The following SGCZ variants were observed in gnomAD, a reference collection of about 807,000 sequenced individuals.
SGCZ encodes sarcoglycan zeta.
In SGCZ, 40 loss-of-function variants were observed where a neutral mutation model predicts 41.3. That is an observed-to-expected ratio of 0.97 (90% CI 0.75 to 1.26). The LOEUF is 1.26. SGCZ is among the 50% of genes most tolerant of loss of function. The pLI, the probability that SGCZ is intolerant of heterozygous loss-of-function variation, is 0.00. For synonymous variants in SGCZ, 206 were observed against 137.5 expected, an observed-to-expected ratio of 1.50 and a Z score of -3.49; for missense variants, 552 against 369.8, an observed-to-expected ratio of 1.49 and a Z score of -4.04.
chr8:15,129,995 G>C (rs969035752), intron 1 of SGCZ, among the ~76,000 whole-genome samples: 1 of 152,066 alleles, frequency 6.6e-6, no homozygotes, highest in African/African-American at 2.4e-5. Flanking sequence ...CATTGGTGAT[G>C]CATCCTGTAT....
In SGCZ at chr8:14,596,164, G is replaced by A. The variant is rs139302045; in HGVS notation, c.40-41238C>T. ...AGAATATACTCTGCAGTATTTGTAG[G>A]CCTTTCATTTTGAATGAATTGATAG... is the stretch of plus-strand genomic sequence containing the variant. On this transcript the variant is annotated intron_variant, in intron 1 of 7. Transcript: ENST00000382080. Among the ~76,000 whole-genome samples, 10 of 152,246 alleles carry A rather than the reference G, an allele frequency of 6.6e-5. No homozygotes were observed. In the East Asian group the frequency reaches 1.7e-3, roughly 26 times the overall value.
At chr8:14,309,511 A>C (rs1801457515) in intron 3 of SGCZ, 1 of 1,609,078 alleles carries the variant, frequency 6.2e-7, no homozygotes, top group Non-Finnish European at 8.5e-7. Flanking sequence ...ATAAGAGAGC[A>C]GTGTGGACTA....
At chr8:14,487,140 A>C (rs372480976) in intron 2 of SGCZ, among the ~76,000 whole-genome samples, 2 of 152,292 alleles carry the variant, frequency 1.3e-5, no homozygotes, top group South Asian at 2.1e-4. Flanking sequence ...TAGGTTATCC[A>C]AACTGTCCTC....
intron 1 of SGCZ, among the ~76,000 whole-genome samples, chr8:14,682,375 C>T (rs1458369225): frequency 1.3e-5 from 2 of 151,928 alleles, no homozygotes; most frequent in Admixed American, 1.3e-4. Context: ...TTATGTACCA[C>T]TTTGTATAAG....
At chr8:15,085,112 G>C (rs1303634255) in intron 1 of SGCZ, among the ~76,000 whole-genome samples, 2 of 152,134 alleles carry the variant, frequency 1.3e-5, no homozygotes, top group African/African-American at 4.8e-5. Flanking sequence ...TGAAGAAAAT[G>C]AGGCCTCAGA....
At chr8:14,831,735 T>A (rs574244366) in intron 1 of SGCZ, among the ~76,000 whole-genome samples, 17 of 151,334 alleles carry the variant, frequency 1.1e-4, no homozygotes, top group Non-Finnish European at 2.2e-4. Context: ...TGAAAGCTGG[T>A]GTTAGAAGGA....
At chr8:14,402,056 T>C (rs1286781349) in intron 2 of SGCZ, among the ~76,000 whole-genome samples, 1 of 152,206 alleles carries the variant, frequency 6.6e-6, no homozygotes, top group East Asian at 1.9e-4. Context: ...GAGCATTTTC[T>C]CATGTGTTTT....
chr8:14,682,760 T>G (rs1463432147), intron 1 of SGCZ, among the ~76,000 whole-genome samples: 1 of 152,214 alleles, frequency 6.6e-6, no homozygotes, highest in Non-Finnish European at 1.5e-5. Context: ...CAGAGATGTC[T>G]TTTACCATGC....
chr8:15,211,282 T>TAA (rs5889575), intron 1 of SGCZ, among the ~76,000 whole-genome samples: 78 of 147,536 alleles, frequency 5.3e-4, no homozygotes, highest in Admixed American at 8.8e-4. Flanking sequence ...ACTGGTTGCC[T>TAA]AAAAAAAAAA....
At chr8:14,494,173 G>C (rs1348349747) in intron 2 of SGCZ, among the ~76,000 whole-genome samples, 1 of 152,222 alleles carries the variant, frequency 6.6e-6, no homozygotes, top group Middle Eastern at 3.4e-3. Flanking sequence ...AAACAACACA[G>C]AAAAATTTGG....
At chr8:15,223,594 T>C (rs1801673455) in intron 1 of SGCZ, among the ~76,000 whole-genome samples, 1 of 152,208 alleles carries the variant, frequency 6.6e-6, no homozygotes, top group South Asian at 2.1e-4. Context: ...TTTAAAATTC[T>C]GGTCAGACAC....
intron 2 of SGCZ, among the ~76,000 whole-genome samples, chr8:14,456,182 G>C (rs776742494): frequency 3.2e-4 from 48 of 152,136 alleles, no homozygotes; most frequent in Non-Finnish European, 5.4e-4. Flanking sequence ...GCTGAGGCAG[G>C]CAAATCACCT....
intron 1 of SGCZ, among the ~76,000 whole-genome samples, chr8:14,575,913 C>CAAAAAAAAAAA (rs66656586): frequency 4.2e-3 from 421 of 99,798 alleles, no homozygotes; most frequent in African/African-American, 5.6e-3. Context: ...CTCAAAATAA[C>CAAAAAAAAAAA]AAAAAAAAAA....
At chr8:15,237,430 G>A (rs1014819489) in intron 1 of SGCZ, among the ~76,000 whole-genome samples, 155 bp downstream of exon 1, 1 of 152,208 alleles carries the variant, frequency 6.6e-6, no homozygotes, top group Non-Finnish European at 1.5e-5. Context: ...GCCCCAGCAG[G>A]GGCGCCTGCG....
intron 1 of SGCZ, among the ~76,000 whole-genome samples, chr8:15,194,895 G>A (rs1350267036): frequency 6.6e-6 from 1 of 152,184 alleles, no homozygotes; most frequent in Admixed American, 6.5e-5. Flanking sequence ...GTTTGTGATA[G>A]TTTCCTATTG....
Position 14,431,632 on chromosome 8 carries a change from A to G in SGCZ, c.235-107428T>C, listed in dbSNP as rs572240036. On this transcript the variant is annotated intron_variant, in intron 2 of 7. Coordinates refer to ENST00000382080, the MANE Select transcript of SGCZ (RefSeq NM_139167.4). ...TCTTCTTGACATTGGCTTAGGCAGG[A>G]ATTTCATGACAAAGAACCCAAAATC... Among the ~76,000 whole-genome samples, 13 of 152,298 alleles carry G rather than the reference A, an allele frequency of 8.5e-5. No homozygotes were observed. In the East Asian group the frequency reaches 2.5e-3, roughly 29 times the overall value.
At chr8:15,202,080 G>A (rs1185394331) in intron 1 of SGCZ, among the ~76,000 whole-genome samples, 2 of 152,142 alleles carry the variant, frequency 1.3e-5, no homozygotes, top group East Asian at 1.9e-4. Context: ...CAGAAAAACA[G>A]TATTCCAATA....
At chr8:14,155,335 C>T (rs955254122) in intron 5 of SGCZ, among the ~76,000 whole-genome samples, 2 of 152,160 alleles carry the variant, frequency 1.3e-5, no homozygotes, top group East Asian at 3.9e-4. Flanking sequence ...TCAGATGTTG[C>T]CTGATGTCTC....
At chr8:14,361,281 C>T (rs981673872) in intron 2 of SGCZ, among the ~76,000 whole-genome samples, 2 of 152,184 alleles carry the variant, frequency 1.3e-5, no homozygotes, top group East Asian at 3.9e-4. Context: ...AGAGCATTTT[C>T]TAACTTGGTT....
Sources: gnomAD v4.1 joint callset for allele counts (sites outside exome capture counted in the v4.1 genomes callset) on GRCh38, gnomAD v4.1.1 for gene constraint, MANE v1.5 for transcripts, NCBI Gene and HGNC (gene_info 2026-07-23, HGNC 2026-07-21) for gene names.